Variants in MAP4K5 observed in about 807,000 individuals in gnomAD.
MAP4K5 encodes the protein mitogen-activated protein kinase kinase kinase kinase 5, also known as MAPK/ERK kinase kinase kinase 5.
A neutral mutation model predicts 135.6 loss-of-function variants in MAP4K5; 82 were observed. The observed-to-expected ratio is 0.60, with a 90% CI of 0.51 to 0.73. The LOEUF is 0.73. Among genes scored for constraint, MAP4K5 ranks in the 30% least tolerant of loss-of-function variants. The pLI is 0.00. For synonymous variants in MAP4K5, 347 were observed against 335.0 expected, an observed-to-expected ratio of 1.04 and a Z score of -0.39; for missense variants, 907 against 1,010.9, an observed-to-expected ratio of 0.90 and a Z score of 1.39.
At chr14:50,540,628 A>G (rs1342628250) in intron 2 of MAP4K5, among the ~76,000 whole-genome samples, 1 of 152,180 alleles carries the variant, frequency 6.6e-6, no homozygotes, top group African/African-American at 2.4e-5. Context: ...GTCTCAAAAT[A>G]CCGCCAAAAT....
intron 3 of MAP4K5, among the ~76,000 whole-genome samples, chr14:50,490,647 A>C (rs1245555906): frequency 6.6e-6 from 1 of 152,114 alleles, no homozygotes. Context: ...CTAAACTACA[A>C]TTTTTAACTG....
chr14:50,538,968 C>T (rs1398316799), intron 2 of MAP4K5, among the ~76,000 whole-genome samples: 1 of 152,202 alleles, frequency 6.6e-6, no homozygotes, highest in Non-Finnish European at 1.5e-5. Flanking sequence ...TATGGGTGCG[C>T]ACCACTGTGC....
intron 15 of MAP4K5, among the ~76,000 whole-genome samples, chr14:50,448,030 T>C (rs7145353): frequency 0.99 from 151,328 of 152,244 alleles, 75,220 homozygotes; most frequent in Middle Eastern, 1. Context: ...ATTTTTGAAA[T>C]GGAGTCTCAC....
At chr14:50,545,056 C>T (rs1404319809) in intron 1 of MAP4K5, among the ~76,000 whole-genome samples, 1 of 151,884 alleles carries the variant, frequency 6.6e-6, no homozygotes, top group Non-Finnish European at 1.5e-5. Context: ...GAGCCAAGGC[C>T]ATGATGTCCA....
At chr14:50,542,263 A>G (rs1017219270) in intron 2 of MAP4K5, among the ~76,000 whole-genome samples, 9 of 123,884 alleles carry the variant, frequency 7.3e-5, no homozygotes, top group Admixed American at 5.6e-4. Flanking sequence ...GGGGAACATC[A>G]CACACCGGGG....
chr14:50,485,434 C>T (rs556634218), intron 5 of MAP4K5, 144 bp downstream of exon 5: 8 of 544,318 alleles, frequency 1.5e-5, no homozygotes, highest in Admixed American at 3.6e-5. Context: ...AAAATAAATA[C>T]AGATTTCTGT....
intron 6 of MAP4K5, among the ~76,000 whole-genome samples, chr14:50,481,934 A>T (rs943657691): frequency 1.4e-4 from 21 of 152,206 alleles, no homozygotes; most frequent in Non-Finnish European, 2.2e-4. Context: ...AAAAGCCCCT[A>T]TGTCTCATGG....
At chr14:50,508,990 A>G (rs2037872512) in intron 2 of MAP4K5, among the ~76,000 whole-genome samples, 1 of 152,214 alleles carries the variant, frequency 6.6e-6, no homozygotes, top group South Asian at 2.1e-4. Context: ...CCAAATGTCC[A>G]TCAATGATAG....
At chr14:50,444,999 T>C (rs2036310369) in intron 18 of MAP4K5, 42 bp downstream of exon 18, 1 of 1,561,582 alleles carries the variant, frequency 6.4e-7, no homozygotes, top group Non-Finnish European at 8.7e-7. Context: ...TAACAATATC[T>C]AGCCATATGT....
At chr14:50,463,820 G>T (rs1439712855) in intron 12 of MAP4K5, among the ~76,000 whole-genome samples, 2 of 147,594 alleles carry the variant, frequency 1.4e-5, no homozygotes, top group African/African-American at 2.5e-5. Flanking sequence ...AGGGGGTGGG[G>T]GTGGAGGCTG....
chr14:50,515,056 G>A (rs1595535594), intron 2 of MAP4K5, among the ~76,000 whole-genome samples: 1 of 151,918 alleles, frequency 6.6e-6, no homozygotes, highest in Non-Finnish European at 1.5e-5. Flanking sequence ...GGCACTCGCC[G>A]CCACGCTAGG....
intron 3 of MAP4K5, among the ~76,000 whole-genome samples, chr14:50,494,044 G>C (rs1467208601): frequency 6.6e-6 from 1 of 151,458 alleles, no homozygotes; most frequent in African/African-American, 2.4e-5. Context: ...ACTGAACTAA[G>C]GAACTGAAAG....
chr14:50,476,374 A>C (rs2037099211), intron 6 of MAP4K5, 68 bp from the exon 7 acceptor site: 2 of 760,414 alleles, frequency 2.6e-6, no homozygotes, highest in African/African-American at 3.7e-5. Context: ...TAAATTTTCT[A>C]CTTAAATTCT....
At chr14:50,473,716 CT>C (rs398077753) in intron 9 of MAP4K5, among the ~76,000 whole-genome samples, 168 of 95,458 alleles carry the variant, frequency 1.8e-3, no homozygotes, top group African/African-American at 6.2e-3. Flanking sequence ...TTTGGTTTCA[CT>C]TTTTTTTTTT....
chr14:50,544,735 A>T (rs944576313), intron 1 of MAP4K5, among the ~76,000 whole-genome samples: 1 of 151,898 alleles, frequency 6.6e-6, no homozygotes, highest in Non-Finnish European at 1.5e-5. Flanking sequence ...GGAGTTTGAG[A>T]CCAGCCTGGG....
At chr14:50,444,287 G>C (rs543725853) in intron 18 of MAP4K5, among the ~76,000 whole-genome samples, 9 of 152,230 alleles carry the variant, frequency 5.9e-5, no homozygotes, top group Admixed American at 4.6e-4. Flanking sequence ...TACTGACTCT[G>C]ATATGCAAGG....
At chr14:50,452,723 AAACAT>A (rs1200847173) in intron 14 of MAP4K5, among the ~76,000 whole-genome samples, 1 of 152,134 alleles carries the variant, frequency 6.6e-6, no homozygotes, top group African/African-American at 2.4e-5. Flanking sequence ...CATGTCTCTC[AAACAT>A]AGAGACATAC....
intron 14 of MAP4K5, among the ~76,000 whole-genome samples, chr14:50,452,977 C>T (rs984950770): frequency 6.6e-6 from 1 of 152,130 alleles, no homozygotes; most frequent in Non-Finnish European, 1.5e-5. Context: ...TTTCCCCCCA[C>T]TTTTTGCTAG....
rs2035671353 is a variant in MAP4K5, at chr14:50,419,285, T to C, written c.*734A>G. 6.6e-6 allele frequency: 1 copy of C among 152,194 alleles called. No individual in the cohort carries two copies. The highest frequency in any genetic ancestry group is 2.4e-5 in the African/African-American group (1 of 41,452). 9.4% of individuals were successfully genotyped at this position (152,194 alleles called of 1,614,324 possible). On this transcript the variant is annotated 3_prime_UTR_variant, in exon 33 of 33. Coordinates refer to ENST00000682126, the MANE Select transcript of MAP4K5 (RefSeq NM_006575.6). ...GAATATTTCAACTATCATCAATATC[T>C]TCTGTATGATCCCTTACAACTATCT... is the stretch of plus-strand genomic sequence containing the variant.
Sources: gnomAD v4.1 joint callset for allele counts (sites outside exome capture counted in the v4.1 genomes callset) on GRCh38, gnomAD v4.1.1 for gene constraint, MANE v1.5 for transcripts, NCBI Gene and HGNC (gene_info 2026-07-23, HGNC 2026-07-21) for gene names.